The following NAALADL2 variants were observed in gnomAD, a reference collection of about 807,000 sequenced individuals.
The protein encoded by NAALADL2 is N-acetylated alpha-linked acidic dipeptidase like 2.
NAALADL2 carries 76 observed loss-of-function variants against 87.2 expected under a neutral mutation model. The observed-to-expected ratio is 0.87, with a 90% CI of 0.72 to 1.05. The LOEUF (loss-of-function observed/expected upper bound fraction) is 1.05, where lower values mean the gene tolerates loss of function less well. Ranked by LOEUF, NAALADL2 falls within the 50% of genes least tolerant of loss-of-function variation. The probability of loss-of-function intolerance (pLI) is 0.00; values close to 1 mark genes in which losing one functional copy is unlikely to be tolerated. For synonymous variants in NAALADL2, 354 were observed against 331.0 expected, an observed-to-expected ratio of 1.07 and a Z score of -0.75; for missense variants, 1,089 against 945.8, an observed-to-expected ratio of 1.15 and a Z score of -1.99.
chr3:175,006,631 G>A (rs949662977), intron 1 of NAALADL2, among the ~76,000 whole-genome samples: 8 of 148,642 alleles, frequency 5.4e-5, no homozygotes, highest in South Asian at 2.1e-4. Context: ...TAGGGAGTTC[G>A]AGGTAGGAGG....
At chr3:174,864,077 G>A (rs991336869) in intron 1 of NAALADL2, 1 of 455,322 alleles carries the variant, frequency 2.2e-6, no homozygotes, top group Admixed American at 2.4e-5. Flanking sequence ...AAATGTCAAG[G>A]CATGAAATCC....
chr3:175,730,045 A>G (rs539904989), intron 11 of NAALADL2, among the ~76,000 whole-genome samples: 11 of 152,180 alleles, frequency 7.2e-5, no homozygotes, highest in African/African-American at 2.2e-4. Flanking sequence ...AAGAGAAATT[A>G]CATTATAGAC....
chr3:175,628,522 A>G (rs2149719099), intron 11 of NAALADL2, among the ~76,000 whole-genome samples: 1 of 150,502 alleles, frequency 6.6e-6, no homozygotes, highest in Non-Finnish European at 1.5e-5. Context: ...ACATTTACCA[A>G]TTATTTATTT....
chr3:175,554,683 T>C (rs1044359110), intron 9 of NAALADL2, among the ~76,000 whole-genome samples: 4 of 152,102 alleles, frequency 2.6e-5, no homozygotes, highest in Non-Finnish European at 5.9e-5. Context: ...ATATAATTTA[T>C]TGTAGGGTTA....
chr3:175,105,789 A>G (rs1723044953), intron 2 of NAALADL2, among the ~76,000 whole-genome samples: 2 of 151,914 alleles, frequency 1.3e-5, no homozygotes, highest in Admixed American at 1.3e-4. Context: ...GGTGAGCTGG[A>G]TGTCTACTAT....
intron 9 of NAALADL2, among the ~76,000 whole-genome samples, chr3:175,510,906 T>C (rs1731058835): frequency 6.6e-6 from 1 of 152,154 alleles, no homozygotes; most frequent in African/African-American, 2.4e-5. Flanking sequence ...TGTCCACAGC[T>C]CTTAACAGGG....
chr3:175,439,721 G>GTTTTTTTTTTTTTTTTTT (rs1289691079), intron 5 of NAALADL2, among the ~76,000 whole-genome samples: 1 of 125,948 alleles, frequency 7.9e-6, no homozygotes, highest in Non-Finnish European at 1.7e-5. Flanking sequence ...TGTGTTTGTG[G>GTTTTTTTTTTTTTTTTTT]TTTTTTTTTC....
intron 1 of NAALADL2, among the ~76,000 whole-genome samples, chr3:174,879,296 CCTT>C (rs1243600145): frequency 3.9e-5 from 6 of 152,036 alleles, no homozygotes; most frequent in East Asian, 1.9e-4. Context: ...TAATTTTACT[CCTT>C]CTTAATTTTG....
chr3:175,158,991 C>A (rs192569868), intron 2 of NAALADL2, among the ~76,000 whole-genome samples: 1 of 151,990 alleles, frequency 6.6e-6, no homozygotes, highest in East Asian at 1.9e-4. Context: ...GTGATAAAGT[C>A]ATTAGTGAAT....
At chr3:175,461,930 G>C (rs1723195151) in intron 6 of NAALADL2, among the ~76,000 whole-genome samples, 1 of 152,162 alleles carries the variant, frequency 6.6e-6, no homozygotes, top group Non-Finnish European at 1.5e-5. Flanking sequence ...TGCTGCCAGG[G>C]GTTTCTGGGG....
In NAALADL2 at chr3:175,013,256, T is replaced by TATATTTATATATAAATATAAAC. The variant is rs1253687849; in HGVS notation, c.44-83533_44-83532insTATTTATATATAAATATAAACA. On this transcript the variant is annotated intron_variant, in intron 1 of 13. Coordinates refer to ENST00000454872, the MANE Select transcript of NAALADL2 (RefSeq NM_207015.3). ...AAACACATATATAAAATATATAATA[T>TATATTTATATATAAATATAAAC]ACATATATTTTTATATATATACATA... Among the ~76,000 whole-genome samples the TATATTTATATATAAATATAAAC allele has an allele frequency of 5.6e-3, 648 of 114,920 alleles. 21 individuals are homozygous for TATATTTATATATAAATATAAAC. The highest frequency in any genetic ancestry group is 0.023 in the African/African-American group (621 of 27,040). 75.4% of individuals were successfully genotyped at this position (114,920 alleles called of 152,430 possible).
At chr3:175,034,031 C>A (rs139355241) in intron 1 of NAALADL2, among the ~76,000 whole-genome samples, 2 of 152,150 alleles carry the variant, frequency 1.3e-5, no homozygotes, top group Non-Finnish European at 2.9e-5. Flanking sequence ...AGAATATCCA[C>A]GCTTCTTGAT....
At chr3:175,295,752 C>G (rs1756270788) in intron 4 of NAALADL2, among the ~76,000 whole-genome samples, 1 of 149,028 alleles carries the variant, frequency 6.7e-6, no homozygotes, top group African/African-American at 2.4e-5. Context: ...CACACTCCCT[C>G]TCTCTCTCTC....
intron 3 of NAALADL2, among the ~76,000 whole-genome samples, chr3:174,744,287 A>G (rs1480584171): frequency 6.6e-6 from 1 of 151,868 alleles, no homozygotes; most frequent in East Asian, 1.9e-4. Context: ...GAGAAGACTT[A>G]TGTCAGAGTG....
chr3:175,157,940 A>C lies in NAALADL2; in HGVS notation c.545+60649A>C, dbSNP rs375468696. Among the ~76,000 whole-genome samples the C allele has an allele frequency of 6.5e-4, 99 of 152,234 alleles. 1 individual carries two copies. The highest frequency in any genetic ancestry group is 7.2e-4 in the African/African-American group (30 of 41,578). On this transcript the variant is annotated intron_variant, in intron 2 of 13. Transcript: ENST00000454872. ...AAAATCTAATTTTCCTGAAAAAATA[A>C]AATTAAAAGTTCATTCTAATACTCC... is the stretch of plus-strand genomic sequence containing the variant.
intron 9 of NAALADL2, among the ~76,000 whole-genome samples, chr3:175,544,966 A>G (rs1219055841): frequency 6.6e-6 from 1 of 152,152 alleles, no homozygotes; most frequent in Non-Finnish European, 1.5e-5. Context: ...ATGTACAAAC[A>G]CTCAAGATTC....
chr3:175,721,444 C>T (rs898769935), intron 11 of NAALADL2, among the ~76,000 whole-genome samples: 2 of 152,024 alleles, frequency 1.3e-5, no homozygotes, highest in African/African-American at 4.8e-5. Flanking sequence ...TTAAGAAATG[C>T]AGTTACATAT....
intron 11 of NAALADL2, among the ~76,000 whole-genome samples, chr3:175,689,018 C>A (rs1428628357): frequency 6.6e-6 from 1 of 152,010 alleles, no homozygotes; most frequent in Non-Finnish European, 1.5e-5. Context: ...TATGATCAGG[C>A]CTAAAACATC....
chr3:175,297,677 T>C (rs7630477), intron 4 of NAALADL2, among the ~76,000 whole-genome samples: 30,844 of 152,076 alleles, frequency 0.2, 4,296 homozygotes, highest in African/African-American at 0.4. Flanking sequence ...GTGTTGCTTA[T>C]GGACTGCCAT....
Sources: allele counts gnomAD v4.1 joint callset (sites outside exome capture counted in the v4.1 genomes callset), GRCh38; gene constraint gnomAD v4.1.1; transcripts MANE v1.5; gene names NCBI Gene and HGNC (gene_info 2026-07-23, HGNC 2026-07-21).